Variants in IFT74 observed in about 807,000 individuals in gnomAD.
The protein encoded by IFT74 is intraflagellar transport protein 74 homolog.
IFT74 carries 92 observed loss-of-function variants against 96.7 expected under a neutral mutation model. That is an observed-to-expected ratio of 0.95 (90% CI 0.80 to 1.13). The LOEUF (loss-of-function observed/expected upper bound fraction) is 1.13, where lower values mean the gene tolerates loss of function less well. Among genes scored for constraint, IFT74 ranks in the 50% most tolerant of loss-of-function variants. The pLI is 0.00. For synonymous variants in IFT74, 223 were observed against 213.2 expected, an observed-to-expected ratio of 1.05 and a Z score of -0.40; for missense variants, 811 against 698.2, an observed-to-expected ratio of 1.16 and a Z score of -1.82.
At chr9:26,976,019 CT>C (rs1237086984) in intron 2 of IFT74, among the ~76,000 whole-genome samples, 1 of 152,212 alleles carries the variant, frequency 6.6e-6, no homozygotes, top group Non-Finnish European at 1.5e-5. Context: ...CCCTGACCAC[CT>C]AGGAAATACT....
intron 2 of IFT74, among the ~76,000 whole-genome samples, chr9:26,968,339 A>G (rs1047265805): frequency 1.3e-5 from 2 of 151,194 alleles, no homozygotes; most frequent in East Asian, 1.9e-4. Flanking sequence ...TCTGCTCACT[A>G]CAACCTCTGC....
intron 12 of IFT74, among the ~76,000 whole-genome samples, chr9:27,025,921 T>A (rs1477821744): frequency 6.6e-6 from 1 of 151,886 alleles, no homozygotes; most frequent in Non-Finnish European, 1.5e-5. Context: ...AACAACACAA[T>A]GGAAATGAAA....
At chr9:27,023,508 C>A (rs1426492288) in intron 12 of IFT74, among the ~76,000 whole-genome samples, 1 of 152,146 alleles carries the variant, frequency 6.6e-6, no homozygotes, top group African/African-American at 2.4e-5. Flanking sequence ...TGCTATAAAA[C>A]CCACTTGATC....
chr9:26,982,846 C>T (rs529690615), intron 4 of IFT74, among the ~76,000 whole-genome samples: 31 of 152,186 alleles, frequency 2.0e-4, no homozygotes, highest in Non-Finnish European at 3.5e-4. Context: ...CCTGCCTATG[C>T]CTTTCAAAGT....
chr9:27,022,122 C>T (rs754960177), intron 12 of IFT74, among the ~76,000 whole-genome samples: 12 of 151,834 alleles, frequency 7.9e-5, no homozygotes, highest in East Asian at 3.9e-4. Context: ...TTTGCTTTTT[C>T]GAAGATCAGC....
At chr9:27,044,825 A>G in intron 14 of IFT74, 30 bp downstream of exon 14, 1 of 1,313,102 alleles carries the variant, frequency 7.6e-7, no homozygotes, top group South Asian at 1.4e-5. Context: ...ATATAAAAAT[A>G]TAATATTTTC....
chr9:27,004,050 G>A (rs1269290317), intron 8 of IFT74, among the ~76,000 whole-genome samples: 16 of 152,080 alleles, frequency 1.1e-4, no homozygotes, highest in Non-Finnish European at 1.5e-5. Flanking sequence ...CAAATAGGAT[G>A]GGGATAGTGA....
chr9:26,976,447 G>A (rs920248960), intron 2 of IFT74: 6 of 190,588 alleles, frequency 3.1e-5, no homozygotes, highest in African/African-American at 7.1e-5. Context: ...TCCTGCCCTC[G>A]TGCCCTTTCC....
chr9:26,950,236 C>G (rs899808635), intron 1 of IFT74, among the ~76,000 whole-genome samples: 1 of 150,736 alleles, frequency 6.6e-6, no homozygotes, highest in Non-Finnish European at 1.5e-5. Context: ...CACTTGAACC[C>G]GGGAGGGGGA....
At chr9:26,995,771 A>G in intron 8 of IFT74, 1 of 1,613,884 alleles carries the variant, frequency 6.2e-7, no homozygotes, top group Non-Finnish European at 8.5e-7. Context: ...GATAGCAATA[A>G]AAATGAGAAG....
intron 13 of IFT74, among the ~76,000 whole-genome samples, chr9:27,044,458 G>A (rs1211007420): frequency 1.3e-5 from 2 of 152,130 alleles, no homozygotes; most frequent in African/African-American, 2.4e-5. Context: ...GGGAACTTAT[G>A]TTTCTCAGCA....
At chr9:26,974,801 C>T (rs1005618980) in intron 2 of IFT74, among the ~76,000 whole-genome samples, 1 of 152,130 alleles carries the variant, frequency 6.6e-6, no homozygotes, top group Non-Finnish European at 1.5e-5. Flanking sequence ...TCAGCCACCC[C>T]ATAAGGGTCA....
At position 27,031,233 on chromosome 9, in the gene IFT74, C is replaced by T. The variant is rs571401398; in HGVS notation, c.1054+2129C>T. Among the ~76,000 whole-genome samples the T allele has an allele frequency of 3.3e-5, 5 of 152,240 alleles. No homozygotes were observed. The South Asian group carries it at 1.0e-3, about 32-fold the overall frequency. On this transcript the variant is annotated intron_variant, in intron 13 of 19. Coordinates refer to ENST00000380062, the MANE Select transcript of IFT74 (RefSeq NM_025103.4). ...GTGGCTCACGCCTGTAGTCCCAGCACTTTGGGATGCCGAGGTGGGCGGATC... is the reference window on the plus strand; with the variant it reads ...GTGGCTCACGCCTGTAGTCCCAGCATTTTGGGATGCCGAGGTGGGCGGATC...
intron 12 of IFT74, among the ~76,000 whole-genome samples, chr9:27,020,561 T>A (rs370700278): frequency 6.7e-6 from 1 of 149,674 alleles, no homozygotes; most frequent in African/African-American, 2.5e-5. Context: ...TGCAAGCTCC[T>A]CCTCCCAGGT....
chr9:27,014,350 A>G (rs1000480517), intron 10 of IFT74, among the ~76,000 whole-genome samples: 1 of 152,210 alleles, frequency 6.6e-6, no homozygotes, highest in Non-Finnish European at 1.5e-5. Context: ...TATTAATACA[A>G]CCAGCTTGCA....
At chr9:26,995,651 G>C (rs1387596486) in intron 8 of IFT74, 1 of 1,613,734 alleles carries the variant, frequency 6.2e-7, no homozygotes, top group African/African-American at 1.3e-5. Context: ...TGGTATCTGT[G>C]AAAGAGAGCT....
At position 27,062,709 on chromosome 9, in the gene IFT74, T is replaced by C. The variant is rs766446035; in HGVS notation, c.1776T>C (p.Asp592=). The part of the protein sequence containing the change: ...QIAEYNKTIV[D]ALHSTSGN ...CAGAGTACAATAAAACCATCGTGGA[T>C]GCTTTACATAGCACCAGCGGAAACT... is the stretch of plus-strand genomic sequence containing the variant. Residue 592 remains aspartate (D), a synonymous_variant, in exon 20 of 20, where the codon GAT becomes GAC. Coordinates refer to ENST00000380062, the MANE Select transcript of IFT74 (RefSeq NM_025103.4). 2.5e-6 allele frequency: 4 copies of C among 1,601,358 alleles called. No individual in the cohort carries two copies. Among genetic ancestry groups the C allele is most frequent in the Non-Finnish European group, 3.4e-6 (4 of 1,171,568 alleles).
At chr9:27,058,840 A>C (rs1253039238) in intron 18 of IFT74, among the ~76,000 whole-genome samples, 2 of 152,252 alleles carry the variant, frequency 1.3e-5, no homozygotes, top group Non-Finnish European at 2.9e-5. Context: ...TACATAATTC[A>C]AATTTACCAG....
Position 27,016,987 on chromosome 9 carries a change from A to G in IFT74, c.870A>G (p.Gln290=), listed in dbSNP as rs759949842. 8 of 1,611,430 alleles carry G rather than the reference A, an allele frequency of 5.0e-6. No individual in the cohort carries two copies. Residue 290 remains glutamine (Q), a synonymous_variant, in exon 11 of 20, where the codon CAA becomes CAG. Coordinates refer to ENST00000380062, the MANE Select transcript of IFT74 (RefSeq NM_025103.4). ...KLYELESHRD[Q]MIAEDKSIGS... is the part of the protein sequence containing the mutation. The stretch of plus-strand genomic sequence containing the variant: ...ATGAGTTGGAGTCCCATCGAGATCA[A>G]ATGATTGCAGAAGACAAAAGCATAG...
Sources: gnomAD v4.1 joint callset for allele counts (sites outside exome capture counted in the v4.1 genomes callset) on GRCh38, gnomAD v4.1.1 for gene constraint, MANE v1.5 for transcripts, NCBI Gene and HGNC (gene_info 2026-07-23, HGNC 2026-07-21) for gene names.